The following STARD3NL variants were observed in gnomAD, a reference collection of about 807,000 sequenced individuals.
STARD3NL encodes the protein STARD3 N-terminal like.
In STARD3NL, 17 loss-of-function variants were observed where a neutral mutation model predicts 30.9. That is an observed-to-expected ratio of 0.55 (90% CI 0.38 to 0.82). STARD3NL has a LOEUF of 0.82. Ranked by LOEUF, STARD3NL falls within the 40% of genes least tolerant of loss-of-function variation. The probability of loss-of-function intolerance (pLI) is 0.00; values close to 1 mark genes in which losing one functional copy is unlikely to be tolerated. For synonymous variants in STARD3NL, 112 were observed against 100.5 expected (o/e 1.11, Z -0.69); for missense variants, 234 against 277.6 (o/e 0.84, Z 1.12).
chr7:38,206,468 T>C (rs1176693818), intron 1 of STARD3NL, among the ~76,000 whole-genome samples: 1 of 152,230 alleles, frequency 6.6e-6, no homozygotes, highest in African/African-American at 2.4e-5. Flanking sequence ...CTTCGTTTAA[T>C]GTCTTTGTCC....
At chr7:38,181,418 TA>T (rs1367590403) in intron 1 of STARD3NL, among the ~76,000 whole-genome samples, 1 of 152,174 alleles carries the variant, frequency 6.6e-6, no homozygotes, top group Non-Finnish European at 1.5e-5. Flanking sequence ...GTTTATAAAT[TA>T]ATATGAATAA....
chr7:38,208,466 A>G (rs759606502), intron 2 of STARD3NL, among the ~76,000 whole-genome samples: 8 of 152,266 alleles, frequency 5.3e-5, no homozygotes, highest in Non-Finnish European at 1.2e-4. Flanking sequence ...TAGTTGCCAC[A>G]TTAATAAAAA....
At chr7:38,180,089 G>T (rs1377091261) in intron 1 of STARD3NL, among the ~76,000 whole-genome samples, 1 of 152,248 alleles carries the variant, frequency 6.6e-6, no homozygotes, top group Non-Finnish European at 1.5e-5. Flanking sequence ...GCAAGGGAAA[G>T]ATAATTTGTG....
chr7:38,220,423 A>G (rs1475723715), intron 7 of STARD3NL, among the ~76,000 whole-genome samples: 4 of 152,258 alleles, frequency 2.6e-5, no homozygotes, highest in African/African-American at 9.6e-5. Context: ...GAACCACAAC[A>G]AGATACCGCT....
At chr7:38,222,613 A>G (rs1037356610) in intron 7 of STARD3NL, among the ~76,000 whole-genome samples, 4 of 152,236 alleles carry the variant, frequency 2.6e-5, no homozygotes, top group Non-Finnish European at 4.4e-5. Flanking sequence ...CACGGTCTCA[A>G]GCATGCCTCA....
intron 1 of STARD3NL, among the ~76,000 whole-genome samples, chr7:38,192,057 C>T (rs1583780919): frequency 6.6e-6 from 1 of 152,172 alleles, no homozygotes; most frequent in Non-Finnish European, 1.5e-5. Flanking sequence ...TTCCATTTCT[C>T]TCAGCAGTAT....
chr7:38,214,713 C>T (rs1562619083), intron 3 of STARD3NL, among the ~76,000 whole-genome samples: 1 of 152,170 alleles, frequency 6.6e-6, no homozygotes, highest in Non-Finnish European at 1.5e-5. Context: ...TTTCAAATGG[C>T]TCAAATAGAA....
chr7:38,184,871 A>G (rs1291149779), intron 1 of STARD3NL, among the ~76,000 whole-genome samples: 1 of 149,134 alleles, frequency 6.7e-6, no homozygotes, highest in Non-Finnish European at 1.5e-5. Context: ...CATAGTCATA[A>G]TTTTCTTTAT....
chr7:38,181,352 G>A (rs1784238635), intron 1 of STARD3NL, among the ~76,000 whole-genome samples: 1 of 152,156 alleles, frequency 6.6e-6, no homozygotes, highest in Admixed American at 6.5e-5. Flanking sequence ...CCTTAGGTCA[G>A]TGATATAACT....
rs115786773 is a variant in STARD3NL, at chr7:38,216,617, T to A, written c.382-408T>A. The A allele has an allele frequency of 2.1e-3, 359 of 172,268 alleles. 3 individuals are homozygous for A. Among genetic ancestry groups the A allele is most frequent in the African/African-American group, 8.2e-3 (345 of 42,272 alleles). The allele number at this position is 172,268 out of a possible 1,614,324, so 10.7% of individuals were successfully genotyped here. ...TCAGGTTTCACCATGCTAAAAATAT[T>A]AGTTGAAGGAACAGTGACAAGGCTC... On this transcript the variant is annotated intron_variant, in intron 4 of 8. Transcript: ENST00000009041.
chr7:38,192,607 G>T (rs1021003122), intron 1 of STARD3NL, among the ~76,000 whole-genome samples: 8 of 152,164 alleles, frequency 5.3e-5, no homozygotes, highest in African/African-American at 1.9e-4. Flanking sequence ...AAGTAGGCCA[G>T]TGTTAGGTTA....
At chr7:38,218,282 A>T (rs1583823038) in intron 6 of STARD3NL, among the ~76,000 whole-genome samples, 1 of 152,362 alleles carries the variant, frequency 6.6e-6, no homozygotes, top group East Asian at 1.9e-4. Flanking sequence ...AAACAGCAGG[A>T]TGCAAAATAA....
intron 1 of STARD3NL, among the ~76,000 whole-genome samples, chr7:38,180,485 T>C (rs968854713): frequency 1.1e-4 from 16 of 152,240 alleles, no homozygotes; most frequent in African/African-American, 3.6e-4. Flanking sequence ...TTAGAGCTTG[T>C]ATTACTGACC....
intron 2 of STARD3NL, among the ~76,000 whole-genome samples, 169 bp downstream of exon 2, chr7:38,207,898 T>C (rs555657287): frequency 1.3e-5 from 2 of 152,352 alleles, no homozygotes; most frequent in African/African-American, 4.8e-5. Flanking sequence ...TTTAATATTA[T>C]TGTTTAAGGC....
At chr7:38,191,906 C>A (rs1298343872) in intron 1 of STARD3NL, among the ~76,000 whole-genome samples, 1 of 122,094 alleles carries the variant, frequency 8.2e-6, no homozygotes, top group East Asian at 2.6e-4. Flanking sequence ...TTGTCAGTTT[C>A]TATTAAAAAA....
chr7:38,180,411 GTCCC>G (rs1396486057), intron 1 of STARD3NL, among the ~76,000 whole-genome samples: 2 of 152,142 alleles, frequency 1.3e-5, no homozygotes, highest in African/African-American at 2.4e-5. Flanking sequence ...GTGGCAGTTG[GTCCC>G]TGCTCTTCTC....
intron 8 of STARD3NL, among the ~76,000 whole-genome samples, chr7:38,229,468 G>GT (rs761953245): frequency 1.2e-4 from 19 of 152,230 alleles, no homozygotes; most frequent in Non-Finnish European, 2.6e-4. Context: ...ATCCCTTTAA[G>GT]TCATCAAAGA....
intron 1 of STARD3NL, among the ~76,000 whole-genome samples, chr7:38,202,730 C>G (rs55864286): frequency 0.42 from 47,621 of 114,258 alleles, 9,782 homozygotes; most frequent in Admixed American, 0.5. Flanking sequence ...CCCCTCCCCC[C>G]ACCCCACAAC....
At chr7:38,182,709 A>G (rs1784300204) in intron 1 of STARD3NL, among the ~76,000 whole-genome samples, 1 of 152,228 alleles carries the variant, frequency 6.6e-6, no homozygotes, top group Admixed American at 6.5e-5. Context: ...AACTCTGACC[A>G]GGAATCCCTG....
Sources: gnomAD v4.1 joint callset for allele counts (sites outside exome capture counted in the v4.1 genomes callset) on GRCh38, gnomAD v4.1.1 for gene constraint, MANE v1.5 for transcripts, NCBI Gene and HGNC (gene_info 2026-07-23, HGNC 2026-07-21) for gene names.